The following DAZL variants were observed in gnomAD, a reference collection of about 807,000 sequenced individuals.
DAZL encodes deleted in azoospermia-like.
Under a neutral mutation model 45.0 loss-of-function variants are expected in DAZL, and 4 were observed. The ratio of observed to expected loss-of-function variants is 0.09; its 90% CI spans 0.04 to 0.20. The LOEUF (loss-of-function observed/expected upper bound fraction) is 0.20. Ranked by LOEUF, DAZL falls within the 10% of genes least tolerant of loss-of-function variation. The pLI, the probability that DAZL is intolerant of heterozygous loss-of-function variation, is 1.00. For missense variants in DAZL, 326 were observed against 351.3 expected, an observed-to-expected ratio of 0.93 and a Z score of 0.58; for synonymous variants, 122 against 112.4, an observed-to-expected ratio of 1.09 and a Z score of -0.54.
intron 10 of DAZL, among the ~76,000 whole-genome samples, chr3:16,591,605 T>C (rs1335800263): frequency 6.6e-6 from 1 of 152,070 alleles, no homozygotes; most frequent in Non-Finnish European, 1.5e-5. Context: ...GGCTAAGTTT[T>C]GTATTTTTTG....
At chr3:16,592,347 C>T (rs543665640) in intron 9 of DAZL, among the ~76,000 whole-genome samples, 199 bp from the exon 10 acceptor site, 1 of 152,030 alleles carries the variant, frequency 6.6e-6, no homozygotes, top group East Asian at 1.9e-4. Flanking sequence ...CCTGCCTCCT[C>T]CTGAGGTCAG....
intron 1 of DAZL, among the ~76,000 whole-genome samples, chr3:16,599,932 C>T (rs993604988): frequency 2.6e-5 from 4 of 152,216 alleles, no homozygotes; most frequent in African/African-American, 9.6e-5. Context: ...TCTGTGAATT[C>T]ATTTTGTAAA....
At chr3:16,596,607 C>A in intron 6 of DAZL, 143 bp downstream of exon 6, 1 of 896,494 alleles carries the variant, frequency 1.1e-6, no homozygotes. Context: ...TAAGAAATTT[C>A]TAACAAAAGT....
At chr3:16,604,045 T>C (rs1272139738) in intron 1 of DAZL, among the ~76,000 whole-genome samples, 5 of 151,750 alleles carry the variant, frequency 3.3e-5, no homozygotes, top group Non-Finnish European at 7.4e-5. Flanking sequence ...AAATAATTAC[T>C]TACAACTCAA....
In DAZL at chr3:16,587,459, A is replaced by T. The variant is rs73142509; in HGVS notation, c.*1201T>A. On this transcript the variant is annotated 3_prime_UTR_variant, in exon 11 of 11. Coordinates refer to ENST00000399444, the MANE Select transcript of DAZL (RefSeq NM_001351.4). ...GCTCATACAGCTACTTTCATTCTTT[A>T]TATCACCAGTTCTAGGAGCAAACCT... is the stretch of plus-strand genomic sequence containing the variant. 27 of 152,662 alleles carry T rather than the reference A, an allele frequency of 1.8e-4. No homozygotes were observed. The East Asian group carries it at 4.6e-3, about 26-fold the overall frequency. 9.5% of individuals were successfully genotyped at this position (152,662 alleles called of 1,614,324 possible).
At chr3:16,604,431 G>A (rs1351467365) in intron 1 of DAZL, 1 of 1,530,846 alleles carries the variant, frequency 6.5e-7, no homozygotes, top group Admixed American at 2.0e-5. Flanking sequence ...GGTAACTGCT[G>A]AAACCAACCT....
chr3:16,605,088 G>GC lies in DAZL; in HGVS notation c.3+114dup, dbSNP rs1176285187. Reference sequence around the variant, plus strand: ...ATGGCTGTGGTGCGTCCAGGCAGGTGCCCCCCAAACAGGAAAGCCGAGGAT... The same window carrying GC: ...ATGGCTGTGGTGCGTCCAGGCAGGTGCCCCCCCAAACAGGAAAGCCGAGGAT... On this transcript the variant is annotated intron_variant, in intron 1 of 10. Coordinates refer to ENST00000399444, the MANE Select transcript of DAZL (RefSeq NM_001351.4). The GC allele has an allele frequency of 5.2e-6, 7 of 1,339,638 alleles. No individual in the cohort carries two copies. In the East Asian group the frequency reaches 6.9e-5, roughly 13 times the overall value. The allele number at this position is 1,339,638 out of a possible 1,614,324, so 83.0% of individuals were successfully genotyped here.
rs777526866 is a variant in DAZL at position 16,605,228 on chromosome 3, C to T, written c.-23G>A. On this transcript the variant is annotated 5_prime_UTR_variant, in exon 1 of 11. Coordinates refer to ENST00000399444, the MANE Select transcript of DAZL (RefSeq NM_001351.4). ...CATGATGGCGGCAGGCAGCAGTTCC[C>T]GACCGGCTCCAGGAGGAGCAGAGGC... The T allele has an allele frequency of 8.7e-6, 14 of 1,614,048 alleles. No individual in the cohort carries two copies. Among genetic ancestry groups the T allele is most frequent in the Non-Finnish European group, 1.2e-5 (14 of 1,179,992 alleles).
At chr3:16,603,675 G>A (rs1694728163) in intron 1 of DAZL, among the ~76,000 whole-genome samples, 1 of 152,074 alleles carries the variant, frequency 6.6e-6, no homozygotes, top group South Asian at 2.1e-4. Flanking sequence ...TATTGAAAAA[G>A]TATTCATCAT....
chr3:16,588,766 C>G, intron 10 of DAZL, 53 bp from the exon 11 acceptor site: 2 of 1,407,624 alleles, frequency 1.4e-6, no homozygotes, highest in Non-Finnish European at 2.0e-6. Flanking sequence ...CTGATTACTA[C>G]TATAGATCTG....
At chr3:16,603,109 T>A (rs889272782) in intron 1 of DAZL, among the ~76,000 whole-genome samples, 1 of 152,138 alleles carries the variant, frequency 6.6e-6, no homozygotes, top group Admixed American at 6.5e-5. Flanking sequence ...GGAAAAGAGA[T>A]CACTCTACAC....
chr3:16,599,478 C>T (rs1206681209), intron 1 of DAZL, among the ~76,000 whole-genome samples: 1 of 152,160 alleles, frequency 6.6e-6, no homozygotes, highest in Non-Finnish European at 1.5e-5. Flanking sequence ...ACATTATTTG[C>T]TCACATGTCA....
rs1694466032 is a variant in DAZL at position 16,588,161 on chromosome 3, ATTGAGT to A, written c.*493_*498del. 1 of 175,496 alleles carries A rather than the reference ATTGAGT, an allele frequency of 5.7e-6. No homozygotes were observed. Among genetic ancestry groups the A allele is most frequent in the African/African-American group, 2.4e-5 (1 of 41,704 alleles). The allele number at this position is 175,496 out of a possible 1,614,324, so 10.9% of individuals were successfully genotyped here. A position where few individuals can be genotyped will look rare whatever the true frequency, so the allele number is the denominator to read the frequency against. On this transcript the variant is annotated 3_prime_UTR_variant, in exon 11 of 11. Coordinates refer to ENST00000399444, the MANE Select transcript of DAZL (RefSeq NM_001351.4). ...AAGACTTCAATAAAGCTAACTATAT[ATTGAGT>A]TCCACTGATTAAAAATGCAGTTTTA...
At chr3:16,600,054 A>G (rs1364991184) in intron 1 of DAZL, among the ~76,000 whole-genome samples, 4 of 152,178 alleles carry the variant, frequency 2.6e-5, no homozygotes, top group Admixed American at 2.0e-4. Context: ...TATCTTGAAG[A>G]TACTTTTAAT....
intron 10 of DAZL, among the ~76,000 whole-genome samples, chr3:16,590,451 A>G (rs1694501033): frequency 6.6e-6 from 1 of 152,170 alleles, no homozygotes; most frequent in Non-Finnish European, 1.5e-5. Context: ...TTTCCTTTTG[A>G]ATGTAAAGTG....
At chr3:16,592,764 T>G (rs115837982) in intron 9 of DAZL, among the ~76,000 whole-genome samples, 359 of 152,290 alleles carry the variant, frequency 2.4e-3, no homozygotes, top group Non-Finnish European at 4.3e-3. Context: ...ACCTGAAAAT[T>G]ACACTGTAAG....
At chr3:16,604,512 C>A (rs906681540) in intron 1 of DAZL, 3 of 1,513,910 alleles carry the variant, frequency 2.0e-6, no homozygotes, top group Non-Finnish European at 2.6e-6. Flanking sequence ...TCAGCAAGTC[C>A]CCCGCAGCTG....
intron 9 of DAZL, among the ~76,000 whole-genome samples, 156 bp from the exon 10 acceptor site, chr3:16,592,304 C>T (rs1694533210): frequency 6.6e-6 from 1 of 151,892 alleles, no homozygotes; most frequent in African/African-American, 2.4e-5. Flanking sequence ...CGCCTGTAAT[C>T]CCAGCACTTT....
rs966248950 is a variant in DAZL, at chr3:16,587,356, T to C, written c.*1304A>G. Reference sequence around the variant, plus strand: ...CTCATGTCCATGGCAGATCAAATGGTACTGATACAACTTTTTCCCTTAGAA... The same window carrying C: ...CTCATGTCCATGGCAGATCAAATGGCACTGATACAACTTTTTCCCTTAGAA... On this transcript the variant is annotated 3_prime_UTR_variant, in exon 11 of 11. Transcript: ENST00000399444. The C allele has an allele frequency of 4.6e-5, 7 of 152,296 alleles. No individual in the cohort carries two copies. Among genetic ancestry groups the C allele is most frequent in the Non-Finnish European group, 8.8e-5 (6 of 68,028 alleles). The allele number at this position is 152,296 out of a possible 1,614,324, so 9.4% of individuals were successfully genotyped here.
Sources: gnomAD v4.1 joint callset for allele counts (sites outside exome capture counted in the v4.1 genomes callset) on GRCh38, gnomAD v4.1.1 for gene constraint, MANE v1.5 for transcripts, NCBI Gene and HGNC (gene_info 2026-07-23, HGNC 2026-07-21) for gene names.